The following SNRPN variants were observed in gnomAD, a reference collection of about 807,000 sequenced individuals.
The protein encoded by SNRPN is small nuclear ribonucleoprotein polypeptide N, also known as small nuclear ribonucleoprotein-associated protein N.
SNRPN carries 7 observed loss-of-function variants against 25.2 expected under a neutral mutation model. The observed-to-expected ratio is 0.28, with a 90% CI of 0.16 to 0.52. The LOEUF is 0.52. Among genes scored for constraint, SNRPN ranks in the 20% least tolerant of loss-of-function variants. The pLI is 0.96. For missense variants in SNRPN, 196 were observed against 322.5 expected (o/e 0.61, Z 3.00); for synonymous variants, 124 against 110.6 (o/e 1.12, Z -0.76).
intron 2 of SNRPN, among the ~76,000 whole-genome samples, chr15:24,917,159 T>G (rs2059579044): frequency 6.6e-6 from 1 of 152,118 alleles, no homozygotes; most frequent in African/African-American, 2.4e-5. Flanking sequence ...GACAGAAAAG[T>G]TCTCCAAGGC....
At chr15:24,830,049 C>T (rs2050391654) in intron 2 of SNRPN, 1 of 152,084 alleles carries the variant, frequency 6.6e-6, no homozygotes, top group Non-Finnish European at 1.5e-5. Context: ...TGCATGACCG[C>T]TTACATGTTG....
At chr15:24,827,764 G>C (rs2050208831) in intron 1 of SNRPN, among the ~76,000 whole-genome samples, 3 of 151,510 alleles carry the variant, frequency 2.0e-5, no homozygotes, top group Admixed American at 2.0e-4. Flanking sequence ...CTACTCAGGA[G>C]GCTGAGGCAG....
At chr15:24,969,545 C>G (rs1228710463) in intron 3 of SNRPN, among the ~76,000 whole-genome samples, 1 of 152,176 alleles carries the variant, frequency 6.6e-6, no homozygotes, top group East Asian at 1.9e-4. Context: ...TAATCATTGT[C>G]CAAAGCTTTT....
At chr15:24,964,451 C>T (rs2075325704) in intron 2 of SNRPN, among the ~76,000 whole-genome samples, 1 of 152,056 alleles carries the variant, frequency 6.6e-6, no homozygotes, top group Admixed American at 6.6e-5. Context: ...TGCCACCATG[C>T]CTGGCTAATT....
At chr15:24,889,601 G>T (rs1428788612) in intron 2 of SNRPN, among the ~76,000 whole-genome samples, 1 of 151,006 alleles carries the variant, frequency 6.6e-6, no homozygotes, top group African/African-American at 2.4e-5. Flanking sequence ...CACCGTGCCC[G>T]GCCCTAACAC....
chr15:24,888,975 T>C (rs1052276798), intron 2 of SNRPN, among the ~76,000 whole-genome samples: 2 of 152,166 alleles, frequency 1.3e-5, no homozygotes, highest in Admixed American at 1.3e-4. Flanking sequence ...TGGAGTGCTG[T>C]GGCACAATCT....
chr15:24,853,269 T>C (rs532041850), upstream of SNRPN, among the ~76,000 whole-genome samples: 9 of 152,378 alleles, frequency 5.9e-5, no homozygotes, highest in African/African-American at 1.9e-4. Flanking sequence ...TTTTTGATTC[T>C]GGAATCCCAT....
In SNRPN at chr15:24,929,001, C is replaced by T. The variant is rs898452236; in HGVS notation, c.-391+8877C>T. On this transcript the variant is annotated intron_variant, in intron 3 of 11. Coordinates refer to the SNRPN transcript ENST00000400097. The surrounding 1 kb of genome is among the most constrained non-coding windows in gnomAD (Gnocchi z 5.3). Reference sequence around the variant, plus strand: ...TCTCTTGTCCCCACTATTAAATCAGCTGTGTTTTTTCCAAGGAATCCTGAT... The same window carrying T: ...TCTCTTGTCCCCACTATTAAATCAGTTGTGTTTTTTCCAAGGAATCCTGAT... 2.6e-5 allele frequency among the ~76,000 whole-genome samples: 4 copies of T among 152,096 alleles called. No homozygotes were observed. Among genetic ancestry groups the T allele is most frequent in the Non-Finnish European group, 5.9e-5 (4 of 68,020 alleles).
In SNRPN at chr15:24,956,396, A is replaced by AGGG. The variant is rs1175483944; in HGVS notation, c.-391+1337_-391+1339dup. 2.1e-5 allele frequency among the ~76,000 whole-genome samples: 3 copies of AGGG among 141,818 alleles called. No homozygotes were observed. In the East Asian group the frequency reaches 6.7e-4, roughly 32 times the overall value. The allele number at this position is 141,818 out of a possible 152,430, so 93.0% of individuals were successfully genotyped here. A position where few individuals can be genotyped will look rare whatever the true frequency, so the allele number is the denominator to read the frequency against. ...CCTCCCTGTAGAGCCGCCAGTGGGG[A>AGGG]GGGGGCAGGTGGTGTGTGTTCAGCT... On this transcript the variant is annotated intron_variant, in intron 1 of 9. Coordinates refer to ENST00000390687, the MANE Select transcript of SNRPN (RefSeq NM_003097.6).
chr15:24,850,791 G>A (rs1244230029), intron 2 of SNRPN: 1 of 152,208 alleles, frequency 6.6e-6, no homozygotes, highest in Non-Finnish European at 1.5e-5. Context: ...GGGGAAGTCA[G>A]GGCTCACTCC....
intron 2 of SNRPN, among the ~76,000 whole-genome samples, chr15:24,964,189 G>A (rs2075280791): frequency 1.3e-5 from 2 of 151,856 alleles, no homozygotes; most frequent in East Asian, 1.9e-4. Context: ...TTTGGAAGAC[G>A]TATTTTATGT....
chr15:24,886,717 A>G (rs2057232327), intron 2 of SNRPN: 1 of 152,216 alleles, frequency 6.6e-6, no homozygotes, highest in Non-Finnish European at 1.5e-5. Context: ...GTCCAGCCAT[A>G]GCACACATTA....
At chr15:24,938,495 G>A (rs1020428238) in intron 3 of SNRPN, among the ~76,000 whole-genome samples, 2 of 151,708 alleles carry the variant, frequency 1.3e-5, no homozygotes, top group Non-Finnish European at 2.9e-5. Flanking sequence ...GTCTGGTCTT[G>A]AACTCCTGAC....
At chr15:24,830,075 C>G (rs186532770) in intron 2 of SNRPN, among the ~76,000 whole-genome samples, 2 of 152,034 alleles carry the variant, frequency 1.3e-5, no homozygotes, top group Non-Finnish European at 2.9e-5. Context: ...CGCATACAAA[C>G]CCCACAATTT....
intron 2 of SNRPN, among the ~76,000 whole-genome samples, chr15:24,894,866 C>T (rs1468990926): frequency 1.3e-5 from 2 of 152,126 alleles, no homozygotes; most frequent in African/African-American, 4.8e-5. Context: ...GAAACTTCTA[C>T]CCTTCTCATT....
chr15:24,963,120 GT>G (rs1303594820), intron 2 of SNRPN, among the ~76,000 whole-genome samples: 2 of 152,086 alleles, frequency 1.3e-5, no homozygotes, highest in East Asian at 3.9e-4. Context: ...CACATTTGAA[GT>G]TTGTGTGCAT....
Position 24,978,249 on chromosome 15 carries a change from C to T in SNRPN, c.616C>T (p.Pro206Ser). The change falls in exon 9 of 10, where the codon CCC becomes TCC. Residue 206 changes from proline (P) to serine (S), a missense_variant. Transcript: ENST00000390687. ...ACCCATGGGCCCACCAATTGGGCTT[C>T]CCCCTGCTCGAGGGACGCCAATAGG... The part of the protein sequence containing the change: ...RPPMGPPIGL[P>S]PARGTPIGMP... 2.5e-6 allele frequency: 4 copies of T among 1,613,994 alleles called. No homozygotes were observed. Among genetic ancestry groups the T allele is most frequent in the Non-Finnish European group, 3.4e-6 (4 of 1,179,876 alleles).
At chr15:24,926,964 T>A (rs1303673766) in intron 3 of SNRPN, among the ~76,000 whole-genome samples, 1 of 152,096 alleles carries the variant, frequency 6.6e-6, no homozygotes, top group East Asian at 1.9e-4. Context: ...TAGACCATGA[T>A]CACACCACTG....
At chr15:24,848,085 C>G (rs184556585) in intron 2 of SNRPN, among the ~76,000 whole-genome samples, 3 of 152,092 alleles carry the variant, frequency 2.0e-5, no homozygotes, top group South Asian at 4.2e-4. Context: ...CCTGGTCCCC[C>G]GCGATTCTGA....
Sources: allele counts gnomAD v4.1 joint callset (sites outside exome capture counted in the v4.1 genomes callset), GRCh38; gene constraint gnomAD v4.1.1; non-coding constraint Gnocchi (gnomAD v3.1); transcripts MANE v1.5; gene names NCBI Gene and HGNC (gene_info 2026-07-23, HGNC 2026-07-21).